Variants in IL1RAPL1 observed in about 807,000 individuals in gnomAD.
The protein encoded by IL1RAPL1 is interleukin-1 receptor accessory protein-like 1.
In IL1RAPL1, 3 loss-of-function variants were observed where a neutral mutation model predicts 48.4. That is an observed-to-expected ratio of 0.06 (90% CI 0.03 to 0.16). The LOEUF (loss-of-function observed/expected upper bound fraction) is 0.16, where lower values mean the gene tolerates loss of function less well. Ranked by LOEUF, IL1RAPL1 falls within the 10% of genes least tolerant of loss-of-function variation. IL1RAPL1 has a pLI of 1.00. For missense variants in IL1RAPL1, 349 were observed against 530.6 expected, an observed-to-expected ratio of 0.66 and a Z score of 3.36; for synonymous variants, 185 against 187.7, an observed-to-expected ratio of 0.99 and a Z score of 0.12.
At chrX:29,455,250 G>GA (rs994538524) in intron 5 of IL1RAPL1, among the ~76,000 whole-genome samples, 2 of 110,704 alleles carry the variant, frequency 1.8e-5, no homozygotes, top group African/African-American at 6.5e-5. Context: ...AAGTATGTGG[G>GA]AAAAAAAATA....
intron 1 of IL1RAPL1, among the ~76,000 whole-genome samples, chrX:28,736,352 T>A (rs2146949566): frequency 9.2e-6 from 1 of 109,200 alleles, no homozygotes; most frequent in African/African-American, 3.3e-5. Flanking sequence ...GAGAATTGCT[T>A]GAACCCAGGA....
At chrX:29,552,663 T>C (rs1358436385) in intron 5 of IL1RAPL1, among the ~76,000 whole-genome samples, 1 of 111,356 alleles carries the variant, frequency 9.0e-6, no homozygotes, top group African/African-American at 3.3e-5. Flanking sequence ...ATTGTTGTAA[T>C]GAAAATCTTT....
intron 2 of IL1RAPL1, among the ~76,000 whole-genome samples, chrX:29,138,019 T>A (rs1929166382): frequency 8.9e-6 from 1 of 112,597 alleles, no homozygotes; most frequent in Non-Finnish European, 1.9e-5. Context: ...TAAAAATCAC[T>A]GAAGCAATTT....
rs754199775 is a variant in IL1RAPL1, at chrX:29,048,776, G to T, written c.83-234162G>T. On this transcript the variant is annotated intron_variant, in intron 2 of 10. Coordinates refer to ENST00000378993, the MANE Select transcript of IL1RAPL1 (RefSeq NM_014271.4). ...CTTATATGAAAAGCATGAGGGATTGGCCTCACCAGTTTTTATCAAATGTAA... is the reference window on the plus strand; with the variant it reads ...CTTATATGAAAAGCATGAGGGATTGTCCTCACCAGTTTTTATCAAATGTAA... Among the ~76,000 whole-genome samples, 5 of 111,768 alleles carry T rather than the reference G, an allele frequency of 4.5e-5. No individual in the cohort carries two copies. The South Asian group carries it at 1.9e-3, about 42-fold the overall frequency.
chrX:28,983,295 C>T (rs1467972966), intron 2 of IL1RAPL1, among the ~76,000 whole-genome samples: 1 of 111,809 alleles, frequency 8.9e-6, no homozygotes, highest in South Asian at 3.7e-4. Flanking sequence ...CATCAGAGTA[C>T]TCTACTCCAA....
chrX:29,869,167 T>A (rs1201603416), intron 6 of IL1RAPL1, among the ~76,000 whole-genome samples: 1 of 112,336 alleles, frequency 8.9e-6, no homozygotes, highest in East Asian at 2.8e-4. Flanking sequence ...CAATGTTAAG[T>A]CATAAGATAC....
chrX:29,765,427 G>A (rs1418275430), intron 6 of IL1RAPL1, among the ~76,000 whole-genome samples: 2 of 111,692 alleles, frequency 1.8e-5, no homozygotes, highest in Admixed American at 1.9e-4. Context: ...CTATTTGTGG[G>A]AGAGGAGTTA....
rs1264108340 is a variant in IL1RAPL1 at position 29,306,686 on chromosome X, C to T, written c.362+23469C>T. ...GACCAGCCTGGCCAATATGGTAAAACCCCATCTCTACTAAAAATACAAAAA... is the reference window on the plus strand; with the variant it reads ...GACCAGCCTGGCCAATATGGTAAAATCCCATCTCTACTAAAAATACAAAAA... On this transcript the variant is annotated intron_variant, in intron 3 of 10. Coordinates refer to ENST00000378993, the MANE Select transcript of IL1RAPL1 (RefSeq NM_014271.4). 1.2e-4 allele frequency among the ~76,000 whole-genome samples: 13 copies of T among 105,505 alleles called. No individual in the cohort carries two copies. The East Asian group carries it at 3.5e-3, about 29-fold the overall frequency. 91.6% of individuals were successfully genotyped at this position (105,505 alleles called of 115,157 possible). A position where few individuals can be genotyped will look rare whatever the true frequency, so the allele number is the denominator to read the frequency against.
chrX:29,749,272 G>A (rs1208312134), intron 6 of IL1RAPL1, among the ~76,000 whole-genome samples: 1 of 111,928 alleles, frequency 8.9e-6, no homozygotes, highest in Admixed American at 9.5e-5. Flanking sequence ...TACAATTTAA[G>A]CTGCCAATGA....
chrX:29,936,218 C>G (rs1055982879), intron 8 of IL1RAPL1, among the ~76,000 whole-genome samples: 30 of 110,042 alleles, frequency 2.7e-4, no homozygotes, highest in Non-Finnish European at 9.5e-5. Context: ...TTATACTGCT[C>G]CAGAGAAATA....
chrX:29,938,857 G>C (rs1299600753), intron 8 of IL1RAPL1, among the ~76,000 whole-genome samples: 1 of 111,994 alleles, frequency 8.9e-6, no homozygotes, highest in Non-Finnish European at 1.9e-5. Flanking sequence ...TTCTTGTCTG[G>C]CTTCCTTTTT....
At chrX:28,850,366 C>G in intron 2 of IL1RAPL1, among the ~76,000 whole-genome samples, 1 of 110,799 alleles carries the variant, frequency 9.0e-6, no homozygotes, top group Non-Finnish European at 1.9e-5. Flanking sequence ...GTGCTGAGGC[C>G]CCACTCTTCT....
At chrX:29,944,491 CT>C (rs1933183694) in intron 9 of IL1RAPL1, among the ~76,000 whole-genome samples, 1 of 111,786 alleles carries the variant, frequency 8.9e-6, no homozygotes, top group Admixed American at 9.5e-5. Flanking sequence ...ATAATTGCAA[CT>C]TTCTTTAATT....
intron 6 of IL1RAPL1, among the ~76,000 whole-genome samples, chrX:29,851,130 G>A (rs1327034274): frequency 9.0e-6 from 1 of 111,515 alleles, no homozygotes; most frequent in Non-Finnish European, 1.9e-5. Flanking sequence ...AAATCTTGAA[G>A]ACCCTCATAT....
intron 2 of IL1RAPL1, among the ~76,000 whole-genome samples, chrX:29,008,313 T>TACAGGCGCCCGCCACC (rs1926036475): frequency 9.0e-6 from 1 of 110,857 alleles, no homozygotes; most frequent in African/African-American, 3.3e-5. Context: ...TAGCTGGGAC[T>TACAGGCGCCCGCCACC]ACAGGCGCCC....
chrX:29,844,665 C>T (rs771323134), intron 6 of IL1RAPL1, among the ~76,000 whole-genome samples: 14 of 111,773 alleles, frequency 1.3e-4, no homozygotes, highest in Non-Finnish European at 2.4e-4. Flanking sequence ...TATAAATAAT[C>T]TAGAGATGAT....
At chrX:29,711,090 A>ACACACACG (rs1349754920) in intron 6 of IL1RAPL1, among the ~76,000 whole-genome samples, 1 of 102,954 alleles carries the variant, frequency 9.7e-6, no homozygotes, top group African/African-American at 3.5e-5. Context: ...ACACACACAC[A>ACACACACG]GATATATATT....
chrX:29,507,271 CTTCTTTCCTTCCT>C (rs1935341604), intron 5 of IL1RAPL1, among the ~76,000 whole-genome samples: 1 of 87,550 alleles, frequency 1.1e-5, no homozygotes, highest in Non-Finnish European at 2.3e-5. Flanking sequence ...TCCTTCCTTC[CTTCTTTCCTTCCT>C]TTCTTTCTCT....
chrX:29,173,627 T>C (rs1929950274), intron 2 of IL1RAPL1, among the ~76,000 whole-genome samples: 1 of 111,916 alleles, frequency 8.9e-6, no homozygotes, highest in African/African-American at 3.2e-5. Flanking sequence ...TCAATGATCA[T>C]TTACAAGTTA....
Sources: allele counts gnomAD v4.1 joint callset (sites outside exome capture counted in the v4.1 genomes callset), GRCh38; gene constraint gnomAD v4.1.1; transcripts MANE v1.5; gene names NCBI Gene and HGNC (gene_info 2026-07-23, HGNC 2026-07-21).